The following LRP1B variants were observed in gnomAD, a reference collection of about 807,000 sequenced individuals.
The protein encoded by LRP1B is LDL receptor related protein 1B, also known as low-density lipoprotein receptor-related protein 1B.
A neutral mutation model predicts 556.6 loss-of-function variants in LRP1B; 217 were observed. The observed-to-expected ratio is 0.39, with a 90% CI of 0.35 to 0.44. LRP1B has a LOEUF of 0.44. Among genes scored for constraint, LRP1B ranks in the 20% least tolerant of loss-of-function variants. The pLI, the probability that LRP1B is intolerant of heterozygous loss-of-function variation, is 1.00. For missense variants in LRP1B, 5,053 were observed against 5,620.8 expected (o/e 0.90, Z 3.23); for synonymous variants, 2,047 against 1,865.8 (o/e 1.10, Z -2.50).
At chr2:142,038,066 T>C (rs1261536310) in intron 1 of LRP1B, among the ~76,000 whole-genome samples, 3 of 151,548 alleles carry the variant, frequency 2.0e-5, no homozygotes, top group African/African-American at 7.3e-5. Flanking sequence ...CAAAATAATA[T>C]TAAAAAAATA....
At chr2:141,927,463 G>T (rs575991343) in intron 1 of LRP1B, among the ~76,000 whole-genome samples, 1 of 152,030 alleles carries the variant, frequency 6.6e-6, no homozygotes, top group South Asian at 2.1e-4. Flanking sequence ...TCCATATTTT[G>T]CTCATCAGAT....
intron 49 of LRP1B, among the ~76,000 whole-genome samples, chr2:140,525,153 G>A (rs1407986230): frequency 2.6e-5 from 4 of 151,756 alleles, no homozygotes; most frequent in African/African-American, 9.7e-5. Context: ...GCAGCAGGGT[G>A]GAGAGAGGCA....
intron 1 of LRP1B, among the ~76,000 whole-genome samples, chr2:141,992,830 T>C (rs773151586): frequency 2.6e-5 from 4 of 152,112 alleles, no homozygotes; most frequent in Admixed American, 2.6e-4. Flanking sequence ...CAGGGCTCCA[T>C]AGATCTCTAA....
In LRP1B at chr2:141,544,319, C is replaced by CTTCTTCTTCTTCTTCTTCTTCTTCTT. The variant is rs1553533126; in HGVS notation, c.206-63812_206-63787dup. On this transcript the variant is annotated intron_variant, in intron 2 of 90. Coordinates refer to ENST00000389484, the MANE Select transcript of LRP1B (RefSeq NM_018557.3). ...CACTCTTCTTCTTCTTCTTCTTCTT[C>CTTCTTCTTCTTCTTCTTCTTCTTCTT]TTCTTCTTCTTCTTCTTCTTCTTCT... Among the ~76,000 whole-genome samples the CTTCTTCTTCTTCTTCTTCTTCTTCTT allele has an allele frequency of 2.8e-3, 122 of 42,932 alleles. 3 individuals are homozygous for CTTCTTCTTCTTCTTCTTCTTCTTCTT. Among genetic ancestry groups the CTTCTTCTTCTTCTTCTTCTTCTTCTT allele is most frequent in the African/African-American group, 4.5e-3 (38 of 8,482 alleles). 28.2% of individuals were successfully genotyped at this position (42,932 alleles called of 152,430 possible).
chr2:140,868,371 AC>A (rs1422044410), intron 25 of LRP1B, 108 bp from the exon 26 acceptor site: 47 of 990,800 alleles, frequency 4.7e-5, no homozygotes, highest in Non-Finnish European at 6.5e-5. Flanking sequence ...GTGATAAGTC[AC>A]AAGAGAAACA....
intron 2 of LRP1B, among the ~76,000 whole-genome samples, chr2:141,549,524 C>T (rs1685673947): frequency 6.6e-6 from 1 of 152,156 alleles, no homozygotes; most frequent in African/African-American, 2.4e-5. Flanking sequence ...TTTTTAGTTA[C>T]TTCCTCAGCC....
intron 3 of LRP1B, among the ~76,000 whole-genome samples, chr2:141,314,869 T>C (rs1393765857): frequency 2.2e-5 from 3 of 137,416 alleles, no homozygotes; most frequent in Admixed American, 7.4e-5. Context: ...TATATATACA[T>C]ATATACATAC....
chr2:140,834,244 A>T (rs189336435), intron 31 of LRP1B, among the ~76,000 whole-genome samples: 1 of 152,060 alleles, frequency 6.6e-6, no homozygotes, highest in East Asian at 1.9e-4. Context: ...TTTTATTTTT[A>T]TTATTATTTT....
intron 18 of LRP1B, among the ~76,000 whole-genome samples, chr2:140,954,995 C>A (rs917223498): frequency 2.6e-5 from 4 of 151,910 alleles, no homozygotes; most frequent in Non-Finnish European, 4.4e-5. Context: ...GTTTCATTCT[C>A]AAAGTACTAT....
At chr2:140,784,219 C>G (rs1689805545) in intron 32 of LRP1B, among the ~76,000 whole-genome samples, 1 of 152,046 alleles carries the variant, frequency 6.6e-6, no homozygotes, top group African/African-American at 2.4e-5. Flanking sequence ...AACCACAGAC[C>G]TAACTGCTAA....
intron 7 of LRP1B, among the ~76,000 whole-genome samples, chr2:141,109,229 T>C (rs916397254): frequency 2.6e-5 from 4 of 152,128 alleles, no homozygotes; most frequent in African/African-American, 9.7e-5. Flanking sequence ...CACCAAGCTA[T>C]GTTTGCAAAA....
At chr2:140,504,503 A>G (rs1558928142) in intron 53 of LRP1B, among the ~76,000 whole-genome samples, 1 of 152,146 alleles carries the variant, frequency 6.6e-6, no homozygotes, top group Non-Finnish European at 1.5e-5. Context: ...TAGAAAATTA[A>G]TATTACTTAT....
chr2:140,295,676 C>G (rs1683569995), intron 84 of LRP1B, among the ~76,000 whole-genome samples: 1 of 152,014 alleles, frequency 6.6e-6, no homozygotes, highest in African/African-American at 2.4e-5. Context: ...TCCTGGTGTC[C>G]TCTTCTGTAA....
chr2:141,647,245 CA>C, intron 2 of LRP1B, among the ~76,000 whole-genome samples: 1 of 152,276 alleles, frequency 6.6e-6, no homozygotes. Context: ...GCATTCTAGT[CA>C]ATCTACTGGG....
At chr2:141,189,155 T>A (rs10185887) in intron 6 of LRP1B, among the ~76,000 whole-genome samples, 2,805 of 152,090 alleles carry the variant, frequency 0.018, 88 homozygotes, top group African/African-American at 0.062. Context: ...AAAAAAGGCT[T>A]GCTCAAGGAC....
intron 6 of LRP1B, among the ~76,000 whole-genome samples, chr2:141,213,183 C>A (rs1018376227): frequency 3.3e-5 from 5 of 151,440 alleles, no homozygotes; most frequent in Admixed American, 2.0e-4. Flanking sequence ...AACCCCCAGG[C>A]TGATGTGATT....
At chr2:140,539,245 T>A (rs907458796) in intron 45 of LRP1B, among the ~76,000 whole-genome samples, 12 of 152,092 alleles carry the variant, frequency 7.9e-5, no homozygotes, top group Non-Finnish European at 1.3e-4. Context: ...TTAACATTCA[T>A]GAACCACTCT....
chr2:141,856,837 A>T (rs1698067856), intron 1 of LRP1B, among the ~76,000 whole-genome samples: 1 of 152,016 alleles, frequency 6.6e-6, no homozygotes, highest in South Asian at 2.1e-4. Flanking sequence ...TTCTTCCTGA[A>T]CTTGGCATTT....
chr2:140,279,533 T>G (rs1327048644), intron 84 of LRP1B, among the ~76,000 whole-genome samples: 1 of 152,016 alleles, frequency 6.6e-6, no homozygotes. Flanking sequence ...GTGCCATATT[T>G]TCATCAGTGT....
Sources: allele counts gnomAD v4.1 joint callset (sites outside exome capture counted in the v4.1 genomes callset), GRCh38; gene constraint gnomAD v4.1.1; transcripts MANE v1.5; gene names NCBI Gene and HGNC (gene_info 2026-07-23, HGNC 2026-07-21).